Variants in VRK2 observed in about 807,000 individuals in gnomAD.
VRK2 encodes the protein VRK serine/threonine kinase 2, also known as serine/threonine-protein kinase VRK2.
Under a neutral mutation model 57.6 loss-of-function variants are expected in VRK2, and 60 were observed. That is an observed-to-expected ratio of 1.04 (90% CI 0.85 to 1.29). VRK2 has a LOEUF of 1.29. VRK2 is among the 50% of genes most tolerant of loss of function. The pLI, the probability that VRK2 is intolerant of heterozygous loss-of-function variation, is 0.00. For synonymous variants in VRK2, 231 were observed against 199.2 expected (o/e 1.16, Z -1.35); for missense variants, 705 against 588.1 (o/e 1.20, Z -2.06).
chr2:58,106,001 T>C (rs1285641941), intron 7 of VRK2, among the ~76,000 whole-genome samples: 1 of 151,950 alleles, frequency 6.6e-6, no homozygotes, highest in Non-Finnish European at 1.5e-5. Context: ...TGATAATGCT[T>C]ACTGATATAC....
chr2:57,921,900 T>C (rs777675489), intron 1 of VRK2, among the ~76,000 whole-genome samples: 18 of 152,152 alleles, frequency 1.2e-4, no homozygotes, highest in Non-Finnish European at 2.6e-4. Flanking sequence ...TACATTTTCC[T>C]GTACTGAACT....
At chr2:58,121,084 C>T (rs1426270425) in intron 7 of VRK2, among the ~76,000 whole-genome samples, 1 of 152,164 alleles carries the variant, frequency 6.6e-6, no homozygotes, top group Non-Finnish European at 1.5e-5. Flanking sequence ...GCCATAGATT[C>T]CTGACTTCAT....
chr2:58,017,620 C>T (rs964654777), intron 1 of VRK2, among the ~76,000 whole-genome samples: 1 of 151,994 alleles, frequency 6.6e-6, no homozygotes, highest in Non-Finnish European at 1.5e-5. Flanking sequence ...AGGGAAAGAG[C>T]GTTAAATATA....
intron 12 of VRK2, among the ~76,000 whole-genome samples, chr2:58,149,629 G>A (rs897360470): frequency 2.0e-5 from 3 of 151,448 alleles, no homozygotes; most frequent in Non-Finnish European, 4.4e-5. Context: ...ATCTTAGGGG[G>A]AATGCATTCA....
chr2:57,941,725 C>A (rs958286050), intron 1 of VRK2, among the ~76,000 whole-genome samples: 22 of 152,290 alleles, frequency 1.4e-4, no homozygotes, highest in African/African-American at 5.1e-4. Context: ...ATTATTGCTG[C>A]TGTTAACAGT....
chr2:58,005,668 T>TC (rs1673220425), intron 1 of VRK2, among the ~76,000 whole-genome samples: 1 of 151,958 alleles, frequency 6.6e-6, no homozygotes, highest in African/African-American at 2.4e-5. Context: ...ATTGAGAGGG[T>TC]CAGTAAAAAC....
Position 58,009,739 on chromosome 2 carries a change from A to G in VRK2, c.-438-15926A>G, listed in dbSNP as rs983385100. ...TTTTATTAAAATTGTGAAGAGTACA[A>G]TACAGATGCTTAAGAAAAATTTTGT... On this transcript the variant is annotated intron_variant, in intron 1 of 15. Transcript: ENST00000417641. 1.3e-5 allele frequency among the ~76,000 whole-genome samples: 2 copies of G among 151,890 alleles called. 1 individual carries two copies. The highest frequency in any genetic ancestry group is 1.3e-4 in the Admixed American group (2 of 15,234).
At chr2:58,091,286 C>T (rs906564538) in intron 7 of VRK2, among the ~76,000 whole-genome samples, 8 of 152,058 alleles carry the variant, frequency 5.3e-5, no homozygotes, top group African/African-American at 1.7e-4. Context: ...ATGTTGATAG[C>T]GGAGAGACTT....
At chr2:58,126,993 T>C (rs1678452326) in intron 8 of VRK2, among the ~76,000 whole-genome samples, 1 of 152,074 alleles carries the variant, frequency 6.6e-6, no homozygotes, top group African/African-American at 2.4e-5. Context: ...ATATTGAGCT[T>C]TTTTAAATAC....
intron 7 of VRK2, among the ~76,000 whole-genome samples, chr2:58,118,592 C>T (rs1244106175): frequency 6.6e-6 from 1 of 152,194 alleles, no homozygotes; most frequent in Non-Finnish European, 1.5e-5. Context: ...GCTGGTCAGT[C>T]TGAGGACCTG....
At chr2:58,113,248 G>T (rs1214299706) in intron 7 of VRK2, among the ~76,000 whole-genome samples, 1 of 151,320 alleles carries the variant, frequency 6.6e-6, no homozygotes, top group African/African-American at 2.4e-5. Context: ...GGCGGAGGTT[G>T]CAGTGAGCTG....
intron 2 of VRK2, among the ~76,000 whole-genome samples, chr2:58,052,899 T>A (rs1675969674): frequency 6.6e-6 from 1 of 152,242 alleles, no homozygotes; most frequent in Non-Finnish European, 1.5e-5. Flanking sequence ...AATAACAGAA[T>A]TACAGGATAA....
intron 2 of VRK2, among the ~76,000 whole-genome samples, chr2:58,078,462 G>A (rs531343370): frequency 6.6e-6 from 1 of 152,132 alleles, no homozygotes; most frequent in Admixed American, 6.6e-5. Flanking sequence ...ATGAGCATGG[G>A]TGTGCATGTA....
intron 12 of VRK2, among the ~76,000 whole-genome samples, chr2:58,154,971 T>C (rs1257191014): frequency 6.6e-6 from 1 of 152,140 alleles, no homozygotes; most frequent in African/African-American, 2.4e-5. Flanking sequence ...TTTTTTTCAG[T>C]TATTGATTTC....
chr2:57,926,773 T>C (rs2103920415), intron 1 of VRK2, among the ~76,000 whole-genome samples: 1 of 151,964 alleles, frequency 6.6e-6, no homozygotes, highest in South Asian at 2.1e-4. Flanking sequence ...GTATTTCTTG[T>C]AGGTCACAGA....
chr2:58,095,604 G>A (rs1673022823), intron 7 of VRK2, among the ~76,000 whole-genome samples: 1 of 151,600 alleles, frequency 6.6e-6, no homozygotes, highest in African/African-American at 2.4e-5. Flanking sequence ...TTATTTCCAT[G>A]CATTAATTTT....
chr2:58,038,752 ACCC>A, intron 3 of VRK2, among the ~76,000 whole-genome samples: 1 of 152,108 alleles, frequency 6.6e-6, no homozygotes, highest in Non-Finnish European at 1.5e-5. Context: ...TTTCTGTGAG[ACCC>A]TATGCACATA....
chr2:57,964,678 A>T (rs1671859385), intron 1 of VRK2, among the ~76,000 whole-genome samples: 1 of 151,998 alleles, frequency 6.6e-6, no homozygotes. Context: ...TGAGGTCAGG[A>T]GTTGGGAGAC....
chr2:58,149,163 A>G (rs1289385138), intron 12 of VRK2, among the ~76,000 whole-genome samples: 2 of 151,730 alleles, frequency 1.3e-5, no homozygotes, highest in Non-Finnish European at 3.0e-5. Context: ...ACTTCTCTGC[A>G]TTTATGTGCA....
Sources: allele counts gnomAD v4.1 joint callset (sites outside exome capture counted in the v4.1 genomes callset), GRCh38; gene constraint gnomAD v4.1.1; transcripts MANE v1.5; gene names NCBI Gene and HGNC (gene_info 2026-07-23, HGNC 2026-07-21).